Variants in SEMA3D observed in about 807,000 individuals in gnomAD.
SEMA3D encodes semaphorin 3D, also known as semaphorin-3D.
Under a neutral mutation model 100.1 loss-of-function variants are expected in SEMA3D, and 84 were observed. That is an observed-to-expected ratio of 0.84 (90% CI 0.70 to 1.01). The LOEUF (loss-of-function observed/expected upper bound fraction) is 1.01, where lower values mean the gene tolerates loss of function less well. Ranked by LOEUF, SEMA3D falls within the 50% of genes least tolerant of loss-of-function variation. The pLI, the probability that SEMA3D is intolerant of heterozygous loss-of-function variation, is 0.00. For synonymous variants in SEMA3D, 312 were observed against 320.7 expected (o/e 0.97, Z 0.29); for missense variants, 875 against 934.1 (o/e 0.94, Z 0.82).
At chr7:85,165,004 C>T (rs202051595) in intron 1 of SEMA3D, among the ~76,000 whole-genome samples, 1 of 116,334 alleles carries the variant, frequency 8.6e-6, no homozygotes, top group South Asian at 2.7e-4. Flanking sequence ...CTTCCCCCCA[C>T]CCCACAACAG....
the SEMA3D span, among the ~76,000 whole-genome samples, chr7:85,220,412 G>C: frequency 6.6e-6 from 1 of 150,922 alleles, no homozygotes; most frequent in African/African-American, 2.4e-5. Flanking sequence ...TTCCCCAGGG[G>C]GAAACAAAAA....
intron 2 of SEMA3D, among the ~76,000 whole-genome samples, chr7:85,150,752 A>C (rs1790357140): frequency 6.6e-6 from 1 of 151,870 alleles, no homozygotes; most frequent in African/African-American, 2.4e-5. Context: ...CTCTGAGTTT[A>C]TGTATAAAGT....
chr7:85,149,779 CTG>C (rs938124150), intron 2 of SEMA3D, among the ~76,000 whole-genome samples: 1 of 152,274 alleles, frequency 6.6e-6, no homozygotes, highest in East Asian at 1.9e-4. Context: ...TAGTCTAACA[CTG>C]TGATTCCAAA....
chr7:85,071,631 C>CCTACTG (rs1791776925), intron 6 of SEMA3D, among the ~76,000 whole-genome samples: 1 of 152,136 alleles, frequency 6.6e-6, no homozygotes, highest in Non-Finnish European at 1.5e-5. Flanking sequence ...GATGGTATAA[C>CCTACTG]CTACTGCACA....
intron 13 of SEMA3D, among the ~76,000 whole-genome samples, chr7:85,021,207 T>A (rs549297901): frequency 1.3e-5 from 2 of 151,788 alleles, no homozygotes; most frequent in African/African-American, 4.8e-5. Flanking sequence ...GAATATTAAA[T>A]GTACATTTTT....
chr7:85,011,125 GC>G (rs1257577203), intron 17 of SEMA3D, among the ~76,000 whole-genome samples: 2 of 151,826 alleles, frequency 1.3e-5, no homozygotes, highest in East Asian at 3.9e-4. Context: ...TCTGATTCAA[GC>G]TTTCAGTGGT....
chr7:85,012,637 T>C (rs1789987444), intron 17 of SEMA3D, 145 bp downstream of exon 17: 1 of 553,584 alleles, frequency 1.8e-6, no homozygotes, highest in African/African-American at 1.9e-5. Flanking sequence ...TTTATAAAAT[T>C]TCCTGTTGCT....
At chr7:85,008,704 G>A (rs997177987) in intron 17 of SEMA3D, among the ~76,000 whole-genome samples, 2 of 151,722 alleles carry the variant, frequency 1.3e-5, no homozygotes, top group East Asian at 1.9e-4. Flanking sequence ...GTTTATGTGT[G>A]AATAAGTGTA....
intron 3 of SEMA3D, among the ~76,000 whole-genome samples, chr7:85,108,385 A>T (rs1379622097): frequency 6.6e-6 from 1 of 152,030 alleles, no homozygotes; most frequent in African/African-American, 2.4e-5. Context: ...TAGAGACCCA[A>T]TTGTGATAAT....
chr7:85,120,712 C>T (rs1397304977), intron 3 of SEMA3D, among the ~76,000 whole-genome samples: 1 of 148,460 alleles, frequency 6.7e-6, no homozygotes, highest in Non-Finnish European at 1.5e-5. Context: ...AATAAGACAT[C>T]AATAAATGAT....
chr7:85,139,086 A>T (rs1421889940), intron 2 of SEMA3D, among the ~76,000 whole-genome samples: 1 of 152,090 alleles, frequency 6.6e-6, no homozygotes, highest in Non-Finnish European at 1.5e-5. Context: ...GAAGAAATTC[A>T]GATAGAGGAA....
At chr7:85,057,128 C>T (rs1418537113) in intron 8 of SEMA3D, among the ~76,000 whole-genome samples, 4 of 151,724 alleles carry the variant, frequency 2.6e-5, no homozygotes, top group Non-Finnish European at 4.4e-5. Flanking sequence ...GGAAAGATGG[C>T]CATAATATAT....
the SEMA3D span, among the ~76,000 whole-genome samples, chr7:85,199,402 G>T: frequency 6.6e-6 from 1 of 151,966 alleles, no homozygotes; most frequent in African/African-American, 2.4e-5. Context: ...AGTTTCCTTT[G>T]CATCACTTGT....
the SEMA3D span, among the ~76,000 whole-genome samples, chr7:85,237,738 T>A: frequency 2.0e-5 from 3 of 152,218 alleles, no homozygotes; most frequent in African/African-American, 7.2e-5. Flanking sequence ...AACGCTCCAA[T>A]AATAAACATC....
At chr7:85,157,592 C>A in intron 1 of SEMA3D, 1 of 823,814 alleles carries the variant, frequency 1.2e-6, no homozygotes, top group Non-Finnish European at 1.5e-6. Flanking sequence ...TCTCTTGTTA[C>A]TTGTATTTTG....
chr7:85,236,603 G>A, the SEMA3D span, among the ~76,000 whole-genome samples: 1 of 151,866 alleles, frequency 6.6e-6, no homozygotes, highest in Admixed American at 6.6e-5. Flanking sequence ...ACCGCACCCA[G>A]ACAATATTTT....
Position 85,034,217 on chromosome 7 carries a change from A to G in SEMA3D, c.1191+2672T>C, listed in dbSNP as rs138852602. On this transcript the variant is annotated intron_variant, in intron 12 of 18. Coordinates refer to ENST00000284136, the MANE Select transcript of SEMA3D (RefSeq NM_001384900.1). ...GTAAAACCTTTAGAATAATATCCCCATATCCTAAGTGCTATATTACTATTA... is the reference window on the plus strand; with the variant it reads ...GTAAAACCTTTAGAATAATATCCCCGTATCCTAAGTGCTATATTACTATTA... 3.3e-5 allele frequency among the ~76,000 whole-genome samples: 5 copies of G among 152,284 alleles called. No individual in the cohort carries two copies. The East Asian group carries it at 9.7e-4, about 29-fold the overall frequency.
intron 1 of SEMA3D, among the ~76,000 whole-genome samples, chr7:85,154,741 G>A (rs1217547387): frequency 1.3e-5 from 2 of 152,034 alleles, no homozygotes; most frequent in African/African-American, 4.8e-5. Flanking sequence ...TAAGTGCATT[G>A]ACTAAAATAC....
the SEMA3D span, among the ~76,000 whole-genome samples, chr7:85,225,040 T>C: frequency 8.0e-6 from 1 of 124,852 alleles, no homozygotes; most frequent in Admixed American, 8.7e-5. Context: ...TCACTGCTCC[T>C]GATTTTCTTT....
Sources: gnomAD v4.1 joint callset for allele counts (sites outside exome capture counted in the v4.1 genomes callset) on GRCh38, gnomAD v4.1.1 for gene constraint, MANE v1.5 for transcripts, NCBI Gene and HGNC (gene_info 2026-07-23, HGNC 2026-07-21) for gene names.